KPNA1: variants seen among roughly 807,000 people sequenced by gnomAD.
KPNA1 encodes importin subunit alpha-5.
KPNA1 carries 10 observed loss-of-function variants against 70.5 expected under a neutral mutation model. The ratio of observed to expected loss-of-function variants is 0.14; its 90% CI spans 0.09 to 0.24. The LOEUF is 0.24. Among genes scored for constraint, KPNA1 ranks in the 10% least tolerant of loss-of-function variants. The pLI is 1.00. For missense variants in KPNA1, 397 were observed against 637.9 expected, an observed-to-expected ratio of 0.62 and a Z score of 4.07; for synonymous variants, 192 against 221.9, an observed-to-expected ratio of 0.87 and a Z score of 1.20.
At chr3:122,503,415 A>T (rs78381804) in intron 1 of KPNA1, among the ~76,000 whole-genome samples, 18,143 of 152,294 alleles carry the variant, frequency 0.12, 1,303 homozygotes, top group East Asian at 0.32. Context: ...TCTAAAAGGA[A>T]AGAAATGTTA....
Position 122,426,944 on chromosome 3 carries a change from T to C in KPNA1, c.*41A>G. ...GGCTCCACAAGAGGACTCGACTGGGTAGCCTGGTCTGACACAGGTACGTGA... is the reference window on the plus strand; with the variant it reads ...GGCTCCACAAGAGGACTCGACTGGGCAGCCTGGTCTGACACAGGTACGTGA... On this transcript the variant is annotated 3_prime_UTR_variant, in exon 14 of 14. Transcript: ENST00000344337. 2 of 1,545,652 alleles carry C rather than the reference T, an allele frequency of 1.3e-6. No individual in the cohort carries two copies. The highest frequency in any genetic ancestry group is 1.8e-6 in the Non-Finnish European group (2 of 1,121,134).
intron 1 of KPNA1, among the ~76,000 whole-genome samples, chr3:122,510,758 G>A (rs2076946546): frequency 6.6e-6 from 1 of 152,156 alleles, no homozygotes; most frequent in South Asian, 2.1e-4. Context: ...AACACAAGAG[G>A]AAACAGCTAG....
In KPNA1 at chr3:122,453,851, C is replaced by T. The variant is rs1221266074; in HGVS notation, c.564+19G>A. 1.9e-6 allele frequency: 3 copies of T among 1,584,292 alleles called. No individual in the cohort carries two copies. The highest frequency in any genetic ancestry group is 1.7e-6 in the Non-Finnish European group (2 of 1,167,060). On this transcript the variant is annotated intron_variant, in intron 6 of 13. Transcript: ENST00000344337. ...GCCAAAAACTTTCTTTCACCTGCTT[C>T]TTTTTGTTTCATTTTTACCTGTTCC... is the stretch of plus-strand genomic sequence containing the variant.
chr3:122,455,717 G>A (rs193269036), intron 5 of KPNA1, among the ~76,000 whole-genome samples: 22 of 151,982 alleles, frequency 1.4e-4, no homozygotes, highest in Admixed American at 3.3e-4. Flanking sequence ...CACCACGCCC[G>A]GCTAATTTTT....
At chr3:122,514,539 C>T (rs549431752) in intron 1 of KPNA1, 1 of 152,522 alleles carries the variant, frequency 6.6e-6, no homozygotes, top group African/African-American at 2.4e-5. Context: ...CACACCAGGG[C>T]TCCCCACCCC....
chr3:122,460,357 GC>G (rs2076310392), intron 5 of KPNA1: 1 of 982,588 alleles, frequency 1.0e-6, no homozygotes, highest in African/African-American at 1.7e-5. Context: ...TGAATACTTG[GC>G]TGGGAGCAGT....
intron 1 of KPNA1, among the ~76,000 whole-genome samples, chr3:122,501,747 T>C (rs2107504001): frequency 6.6e-6 from 1 of 152,262 alleles, no homozygotes; most frequent in East Asian, 1.9e-4. Flanking sequence ...TTAGGTCTAG[T>C]GGGTTTATTG....
rs2075812789 is a variant in KPNA1, at chr3:122,425,622, G to C, written c.*1363C>G. ...TTCATTCCAGTCCAAGCACAAATGTGGATCACTGAACACAGTACTGGAAGC... is the reference window on the plus strand; with the variant it reads ...TTCATTCCAGTCCAAGCACAAATGTCGATCACTGAACACAGTACTGGAAGC... On this transcript the variant is annotated 3_prime_UTR_variant, in exon 14 of 14. Coordinates refer to ENST00000344337, the MANE Select transcript of KPNA1 (RefSeq NM_002264.4). The C allele has an allele frequency of 6.6e-6, 1 of 152,492 alleles. No individual in the cohort carries two copies. Among genetic ancestry groups the C allele is most frequent in the Admixed American group, 6.6e-5 (1 of 15,256 alleles). 9.4% of individuals were successfully genotyped at this position (152,492 alleles called of 1,614,324 possible). A position where few individuals can be genotyped will look rare whatever the true frequency, so the allele number is the denominator to read the frequency against.
intron 2 of KPNA1, among the ~76,000 whole-genome samples, chr3:122,476,437 C>G (rs139681377): frequency 1.3e-5 from 2 of 152,162 alleles, no homozygotes; most frequent in African/African-American, 4.8e-5. Flanking sequence ...TTACAACAAA[C>G]TTTTTAAAAA....
At position 122,424,088 on chromosome 3, in the gene KPNA1, A is replaced by G. The variant is rs1371088060; in HGVS notation, c.*2897T>C. The G allele has an allele frequency of 6.6e-6, 1 of 152,178 alleles. No homozygotes were observed. Among genetic ancestry groups the G allele is most frequent in the African/African-American group, 2.4e-5 (1 of 41,444 alleles). The allele number at this position is 152,178 out of a possible 1,614,324, so 9.4% of individuals were successfully genotyped here. A position where few individuals can be genotyped will look rare whatever the true frequency, so the allele number is the denominator to read the frequency against. On this transcript the variant is annotated 3_prime_UTR_variant, in exon 14 of 14. Transcript: ENST00000344337. Reference sequence around the variant, plus strand: ...CAGATACCAGATGCCTTTACATCCAAAATTCTCTTAATGCTTTTTTTCCCC... The same window carrying G: ...CAGATACCAGATGCCTTTACATCCAGAATTCTCTTAATGCTTTTTTTCCCC...
chr3:122,446,265 A>T (rs1028299557), intron 9 of KPNA1, among the ~76,000 whole-genome samples: 3 of 152,196 alleles, frequency 2.0e-5, no homozygotes. Context: ...TGACCACATA[A>T]TTGGAAGTAA....
At chr3:122,509,614 A>G (rs1453709528) in intron 1 of KPNA1, among the ~76,000 whole-genome samples, 6 of 152,224 alleles carry the variant, frequency 3.9e-5, no homozygotes, top group Admixed American at 1.3e-4. Context: ...TGCAAGGTCT[A>G]TAACACAATA....
At chr3:122,481,066 C>T (rs2076565572) in intron 2 of KPNA1, among the ~76,000 whole-genome samples, 1 of 152,186 alleles carries the variant, frequency 6.6e-6, no homozygotes, top group Admixed American at 6.5e-5. Flanking sequence ...TAAAATGGTA[C>T]AGCTTTTGTA....
chr3:122,475,103 A>AACTCTGAAG (rs2076482754), intron 2 of KPNA1, among the ~76,000 whole-genome samples: 1 of 152,226 alleles, frequency 6.6e-6, no homozygotes, highest in African/African-American at 2.4e-5. Flanking sequence ...ACATGGAAAG[A>AACTCTGAAG]ACTCTGAAGA....
intron 9 of KPNA1, 34 bp from the exon 10 acceptor site, chr3:122,442,150 G>A (rs377002550): frequency 2.7e-6 from 4 of 1,486,800 alleles, no homozygotes; most frequent in Admixed American, 1.8e-5. Context: ...ATAGCAAACA[G>A]TTCTATCCTT....
intron 1 of KPNA1, among the ~76,000 whole-genome samples, chr3:122,503,052 C>T (rs2076847862): frequency 6.6e-6 from 1 of 151,906 alleles, no homozygotes; most frequent in African/African-American, 2.4e-5. Context: ...GAGCCAAGAT[C>T]GCACCACTGA....
chr3:122,496,482 C>T lies in KPNA1; in HGVS notation c.84G>A (p.Arg28=). ...TTCGTAACTGCAGTCCTTCTTCCTCCCTCCTCCTGCGCATCTCATCGGGAT... is the reference window on the plus strand; with the variant it reads ...TTCGTAACTGCAGTCCTTCTTCCTCTCTCCTCCTGCGCATCTCATCGGGAT... ...SLNPDEMRRR[R]EEEGLQLRKQ... Residue 28 remains arginine, a synonymous_variant, in exon 2 of 14, where the codon AGG becomes AGA. Transcript: ENST00000344337. 6.2e-7 allele frequency: 1 copy of T among 1,613,942 alleles called. No individual in the cohort carries two copies. The highest frequency in any genetic ancestry group is 1.7e-4 in the Middle Eastern group (1 of 6,056).
At chr3:122,480,383 A>G (rs1479455078) in intron 2 of KPNA1, among the ~76,000 whole-genome samples, 1 of 152,154 alleles carries the variant, frequency 6.6e-6, no homozygotes, top group African/African-American at 2.4e-5. Context: ...GGGGGCAGAG[A>G]GCATATAAGA....
intron 11 of KPNA1, among the ~76,000 whole-genome samples, chr3:122,436,206 G>A (rs1018057710): frequency 5.9e-5 from 9 of 152,090 alleles, no homozygotes; most frequent in African/African-American, 1.7e-4. Context: ...GGAAATTCCC[G>A]CCTAGTAAAT....
Sources: gnomAD v4.1 joint callset for allele counts (sites outside exome capture counted in the v4.1 genomes callset) on GRCh38, gnomAD v4.1.1 for gene constraint, MANE v1.5 for transcripts, NCBI Gene and HGNC (gene_info 2026-07-23, HGNC 2026-07-21) for gene names.